The following BFSP1 variants were observed in gnomAD, a reference collection of about 807,000 sequenced individuals.
BFSP1 encodes filensin.
In BFSP1, 38 loss-of-function variants were observed where a neutral mutation model predicts 43.9. The observed-to-expected ratio is 0.87, with a 90% CI of 0.67 to 1.14. BFSP1 has a LOEUF of 1.14. Ranked by LOEUF, BFSP1 falls within the 50% of genes most tolerant of loss-of-function variation. BFSP1 has a pLI of 0.00. For missense variants in BFSP1, 850 were observed against 875.1 expected (o/e 0.97, Z 0.36); for synonymous variants, 352 against 354.8 (o/e 0.99, Z 0.09).
chr20:17,515,970 G>C (rs2034191633), intron 2 of BFSP1, among the ~76,000 whole-genome samples: 1 of 152,172 alleles, frequency 6.6e-6, no homozygotes, highest in South Asian at 2.1e-4. Flanking sequence ...GAGATGTAGG[G>C]ACACTCCCCA....
At chr20:17,541,762 G>A (rs1939742441) in intron 1 of BFSP1, among the ~76,000 whole-genome samples, 1 of 152,174 alleles carries the variant, frequency 6.6e-6, no homozygotes, top group African/African-American at 2.4e-5. Context: ...TTGGATATGG[G>A]TTGCTTATTT....
chr20:17,531,317 T>C lies in BFSP1; in HGVS notation c.13A>G (p.Ser5Gly). 1.4e-6 allele frequency: 2 copies of C among 1,463,000 alleles called. No individual in the cohort carries two copies. The highest frequency in any genetic ancestry group is 2.5e-5 in the Admixed American group (1 of 40,384). 90.6% of individuals were successfully genotyped at this position (1,463,000 alleles called of 1,614,324 possible). A position where few individuals can be genotyped will look rare whatever the true frequency, so the allele number is the denominator to read the frequency against. Residue 5 changes from serine to glycine, a missense_variant, in exon 1 of 8, where the codon AGC becomes GGC. Physicochemically the swap from Ser to Gly is moderately conservative, Grantham distance 56. Transcript: ENST00000377873. ...TCCTTGCGGGTCTGGAAGACGTAGCTGCGCCGGTACATGGCTGCTCTGGCG... is the reference window on the plus strand; with the variant it reads ...TCCTTGCGGGTCTGGAAGACGTAGCCGCGCCGGTACATGGCTGCTCTGGCG... MYRR[S>G]YVFQTRKEQY...
intron 5 of BFSP1, among the ~76,000 whole-genome samples, chr20:17,503,472 G>A (rs369893463): frequency 9.2e-5 from 14 of 152,182 alleles, no homozygotes; most frequent in South Asian, 4.1e-4. Context: ...AGCCCAGAGC[G>A]GGGGTAGTGG....
At chr20:17,511,453 AGAGGCTT>A (rs1480070832) in intron 4 of BFSP1, among the ~76,000 whole-genome samples, 1 of 152,208 alleles carries the variant, frequency 6.6e-6, no homozygotes, top group Non-Finnish European at 1.5e-5. Context: ...TAAATGGGCA[AGAGGCTT>A]GAGCAGATAC....
In BFSP1 at chr20:17,498,915, C is replaced by A. The variant is rs755382054; in HGVS notation, c.861G>T (p.Lys287Asn). The change falls in exon 6 of 8, where the codon AAG becomes AAT. Residue 287 changes from lysine to asparagine, a missense_variant. By Grantham distance (94) the Lys-to-Asn change is moderately conservative (BLOSUM62 0). Coordinates refer to ENST00000377873, the MANE Select transcript of BFSP1 (RefSeq NM_001195.5). ...CCAGCTGCCGGCAGTCGTAAGAAGACTTCTCCAGGACCCGCTCTGTCTCCT... is the reference window on the plus strand; with the variant it reads ...CCAGCTGCCGGCAGTCGTAAGAAGAATTCTCCAGGACCCGCTCTGTCTCCT... ...EIEETERVLE[K>N]SSYDCRQLAV... The A allele has an allele frequency of 1.2e-6, 2 of 1,614,212 alleles. No homozygotes were observed. The highest frequency in any genetic ancestry group is 1.7e-6 in the Non-Finnish European group (2 of 1,180,044).
At chr20:17,498,719 A>C (rs2033715024) in intron 6 of BFSP1, 101 bp downstream of exon 6, 5 of 1,340,552 alleles carry the variant, frequency 3.7e-6, no homozygotes, top group East Asian at 5.0e-5. Context: ...TCCTTCCCTG[A>C]CACATGCCCA....
chr20:17,555,867 A>G (rs974541811), intron 1 of BFSP1, among the ~76,000 whole-genome samples: 3 of 152,202 alleles, frequency 2.0e-5, no homozygotes, highest in Non-Finnish European at 4.4e-5. Flanking sequence ...TATAAGGATA[A>G]CTAAGGACAA....
At chr20:17,559,594 G>A (rs2035048507), upstream of BFSP1, among the ~76,000 whole-genome samples, 1 of 152,190 alleles carries the variant, frequency 6.6e-6, no homozygotes, top group African/African-American at 2.4e-5. Context: ...CCATGAACCA[G>A]TATTGGTCTG....
At chr20:17,499,781 G>A (rs2033750963) in intron 5 of BFSP1, among the ~76,000 whole-genome samples, 1 of 152,106 alleles carries the variant, frequency 6.6e-6, no homozygotes, top group Admixed American at 6.5e-5. Flanking sequence ...AATTAGCTGG[G>A]AGTGGTGGCA....
intron 3 of BFSP1, among the ~76,000 whole-genome samples, chr20:17,513,677 G>A (rs371933310): frequency 1.3e-5 from 2 of 152,224 alleles, no homozygotes; most frequent in Non-Finnish European, 2.9e-5. Context: ...CCACATTGTC[G>A]TAGTTTGGGT....
chr20:17,508,855 A>G, intron 5 of BFSP1, 34 bp downstream of exon 5: 1 of 1,503,014 alleles, frequency 6.7e-7, no homozygotes, highest in Non-Finnish European at 8.9e-7. Context: ...ACATGTGGGA[A>G]GCCCCAATGC....
At chr20:17,553,124 G>A (rs1424403420) in intron 1 of BFSP1, among the ~76,000 whole-genome samples, 3 of 152,196 alleles carry the variant, frequency 2.0e-5, no homozygotes, top group African/African-American at 7.2e-5. Context: ...AGATAGGTAG[G>A]TGGAAAATCA....
chr20:17,565,436 T>C (rs1232022641), intron 1 of BFSP1: 2 of 152,234 alleles, frequency 1.3e-5, no homozygotes, highest in African/African-American at 2.4e-5. Flanking sequence ...AAGCAAAGGA[T>C]TGGAAATATC....
Position 17,499,242 on chromosome 20 carries a change from A to ATT in BFSP1, c.736-204_736-203dup, listed in dbSNP as rs11339300. Among the ~76,000 whole-genome samples the ATT allele has an allele frequency of 0.015, 1,889 of 129,610 alleles. 31 individuals carry two copies. Among genetic ancestry groups the ATT allele is most frequent in the Admixed American group, 0.025 (318 of 12,550 alleles). 85.0% of individuals were successfully genotyped at this position (129,610 alleles called of 152,430 possible). A position where few individuals can be genotyped will look rare whatever the true frequency, so the allele number is the denominator to read the frequency against. ...AACTGAGCTCCTGTGTCCTTACACA[A>ATT]TTTTTTTTTTTTTTTTTTTTGATAG... On this transcript the variant is annotated intron_variant, in intron 5 of 7. Transcript: ENST00000377873.
intron 3 of BFSP1, among the ~76,000 whole-genome samples, chr20:17,512,584 G>C (rs925300152): frequency 1.3e-5 from 2 of 152,126 alleles, no homozygotes; most frequent in Admixed American, 1.3e-4. Flanking sequence ...ATGTGTTGTG[G>C]TGTGCACCTG....
chr20:17,528,385 T>G (rs1600665037), intron 1 of BFSP1, among the ~76,000 whole-genome samples: 1 of 152,328 alleles, frequency 6.6e-6, no homozygotes, highest in East Asian at 1.9e-4. Context: ...ATGGATGTCA[T>G]GCTTACCAGC....
At chr20:17,537,055 C>T (rs2034638457) in intron 1 of BFSP1, among the ~76,000 whole-genome samples, 1 of 152,184 alleles carries the variant, frequency 6.6e-6, no homozygotes, top group South Asian at 2.1e-4. Flanking sequence ...ATACACTGCT[C>T]TAACACTCTG....
At chr20:17,540,472 C>T (rs1204564180) in intron 1 of BFSP1, among the ~76,000 whole-genome samples, 1 of 152,106 alleles carries the variant, frequency 6.6e-6, no homozygotes, top group Non-Finnish European at 1.5e-5. Context: ...TCTACACACC[C>T]ACGCCCCCAT....
intron 1 of BFSP1, among the ~76,000 whole-genome samples, chr20:17,529,064 AGTGT>A (rs11473581): frequency 6.1e-5 from 9 of 147,092 alleles, no homozygotes; most frequent in Non-Finnish European, 8.9e-5. Context: ...TGGTTAAATA[AGTGT>A]GTGTGTGTGT....
Sources: allele counts gnomAD v4.1 joint callset (sites outside exome capture counted in the v4.1 genomes callset), GRCh38; gene constraint gnomAD v4.1.1; transcripts MANE v1.5; gene names NCBI Gene and HGNC (gene_info 2026-07-23, HGNC 2026-07-21).